KDM6A: variants seen among roughly 807,000 people sequenced by gnomAD.
The protein encoded by KDM6A is lysine-specific demethylase 6A.
Under a neutral mutation model 117.6 loss-of-function variants are expected in KDM6A, and 11 were observed. The observed-to-expected ratio is 0.09, with a 90% CI of 0.06 to 0.15. The LOEUF (loss-of-function observed/expected upper bound fraction) is 0.15, where lower values mean the gene tolerates loss of function less well. Among genes scored for constraint, KDM6A ranks in the 10% least tolerant of loss-of-function variants. The probability of loss-of-function intolerance (pLI) is 1.00; values close to 1 mark genes in which losing one functional copy is unlikely to be tolerated. For missense variants in KDM6A, 799 were observed against 1,077.3 expected, an observed-to-expected ratio of 0.74 and a Z score of 3.62; for synonymous variants, 384 against 396.1, an observed-to-expected ratio of 0.97 and a Z score of 0.36.
At chrX:44,984,232 TC>T (rs1477749843) in intron 4 of KDM6A, among the ~76,000 whole-genome samples, 1 of 111,209 alleles carries the variant, frequency 9.0e-6, no homozygotes, top group Non-Finnish European at 1.9e-5. Context: ...TCTGTTCATA[TC>T]CTTCACCCAC....
chrX:45,030,431 C>G (rs1394706443), intron 6 of KDM6A, among the ~76,000 whole-genome samples: 1 of 107,363 alleles, frequency 9.3e-6, no homozygotes, highest in Admixed American at 1.0e-4. Flanking sequence ...AGTAGATTCC[C>G]TCCTGGAAAC....
At chrX:45,013,615 A>G (rs1218578484) in intron 5 of KDM6A, among the ~76,000 whole-genome samples, 2 of 112,027 alleles carry the variant, frequency 1.8e-5, no homozygotes, top group Non-Finnish European at 3.8e-5. Context: ...TGCAATGTCT[A>G]CATTAATAAG....
chrX:44,977,742 A>G (rs1450378553), intron 4 of KDM6A, among the ~76,000 whole-genome samples: 2 of 112,037 alleles, frequency 1.8e-5, no homozygotes, highest in African/African-American at 6.5e-5. Context: ...CAGACTTGCC[A>G]GTTTGATAGG....
At chrX:44,928,159 T>C (rs1038484875) in intron 2 of KDM6A, among the ~76,000 whole-genome samples, 4 of 112,403 alleles carry the variant, frequency 3.6e-5, no homozygotes, top group African/African-American at 1.3e-4. Context: ...GAAATTTTAA[T>C]ATAGGCTACA....
intron 4 of KDM6A, among the ~76,000 whole-genome samples, chrX:44,975,129 C>T (rs777297710): frequency 4.1e-4 from 46 of 111,696 alleles, no homozygotes; most frequent in Middle Eastern, 4.7e-3. Flanking sequence ...TTGGTGTACT[C>T]TGTTTATAAT....
chrX:45,033,303 GAC>G lies in KDM6A; in HGVS notation c.565-1624_565-1623del, dbSNP rs1455218296. 4.5e-5 allele frequency among the ~76,000 whole-genome samples: 5 copies of G among 112,136 alleles called. 1 individual carries two copies. The Admixed American group carries it at 4.7e-4, about 11-fold the overall frequency. On this transcript the variant is annotated intron_variant, in intron 6 of 29. Coordinates refer to ENST00000611820, the MANE Select transcript of KDM6A (RefSeq NM_001291415.2). ...GTAGCACACTAAAGGGATGTTTGAA[GAC>G]ACAGTCTGCTTAGTAGGCCAAGGGA...
At chrX:45,021,392 T>G (rs2042165605) in intron 6 of KDM6A, among the ~76,000 whole-genome samples, 2 of 111,753 alleles carry the variant, frequency 1.8e-5, no homozygotes, top group South Asian at 7.4e-4. Context: ...AACAGAGGAA[T>G]TATGTTTTGA....
intron 27 of KDM6A, among the ~76,000 whole-genome samples, chrX:45,104,194 T>C (rs1020623161): frequency 1.8e-5 from 2 of 111,530 alleles, no homozygotes; most frequent in Non-Finnish European, 3.8e-5. Context: ...CTGGCTAATT[T>C]TGTATGTTTA....
chrX:44,886,242 G>A (rs1387865264), intron 2 of KDM6A, among the ~76,000 whole-genome samples: 1 of 109,333 alleles, frequency 9.1e-6, no homozygotes, highest in Non-Finnish European at 1.9e-5. Flanking sequence ...AGTAGAGACG[G>A]TTTCACTGTA....
At chrX:45,102,890 T>TA (rs1853869755) in intron 27 of KDM6A, among the ~76,000 whole-genome samples, 3 of 110,837 alleles carry the variant, frequency 2.7e-5, no homozygotes, top group African/African-American at 9.9e-5. Context: ...ACTATTGTCC[T>TA]AGGAGAACAC....
intron 27 of KDM6A, among the ~76,000 whole-genome samples, chrX:45,094,665 G>A (rs1191574874): frequency 2.7e-5 from 3 of 111,472 alleles, no homozygotes; most frequent in Non-Finnish European, 5.6e-5. Context: ...TGAAAGGCTC[G>A]GAGGAACTCT....
At chrX:45,048,197 C>T (rs1229485527) in intron 8 of KDM6A, among the ~76,000 whole-genome samples, 2 of 104,489 alleles carry the variant, frequency 1.9e-5, no homozygotes, top group African/African-American at 3.5e-5. Flanking sequence ...ATTTCAACAT[C>T]TGAGTAATTT....
chrX:45,105,914 G>A (rs926083955), intron 27 of KDM6A, among the ~76,000 whole-genome samples: 1 of 112,149 alleles, frequency 8.9e-6, no homozygotes, highest in African/African-American at 3.2e-5. Context: ...ACACTACTGT[G>A]AACTGCACAT....
chrX:45,093,393 CAA>C (rs1179536892), intron 27 of KDM6A, among the ~76,000 whole-genome samples: 1 of 105,752 alleles, frequency 9.5e-6, no homozygotes, highest in East Asian at 3.0e-4. Context: ...AACAAACAAA[CAA>C]ACAAACAAAA....
At chrX:45,077,601 A>G (rs1357465994) in intron 19 of KDM6A, among the ~76,000 whole-genome samples, 2 of 110,638 alleles carry the variant, frequency 1.8e-5, no homozygotes, top group African/African-American at 6.6e-5. Flanking sequence ...TTTATCCCTT[A>G]CTATGTAAGG....
chrX:45,051,140 G>A (rs1432056179), intron 8 of KDM6A, among the ~76,000 whole-genome samples: 1 of 111,272 alleles, frequency 9.0e-6, no homozygotes, highest in Non-Finnish European at 1.9e-5. Flanking sequence ...CTCCCGAGTA[G>A]CTGGGACTAC....
chrX:44,940,279 C>T (rs1007418061), intron 2 of KDM6A, among the ~76,000 whole-genome samples: 2 of 111,088 alleles, frequency 1.8e-5, no homozygotes, highest in Non-Finnish European at 3.8e-5. Flanking sequence ...GTCTTGAACT[C>T]CTGACCTCAA....
At chrX:44,963,571 T>A (rs1215701925) in intron 3 of KDM6A, among the ~76,000 whole-genome samples, 1 of 109,666 alleles carries the variant, frequency 9.1e-6, no homozygotes, top group Admixed American at 9.9e-5. Flanking sequence ...TGCTCATCTA[T>A]AAGAAGCAGT....
At chrX:44,882,095 A>G (rs770645364) in intron 2 of KDM6A, among the ~76,000 whole-genome samples, 3 of 111,874 alleles carry the variant, frequency 2.7e-5, no homozygotes, top group Non-Finnish European at 5.6e-5. Context: ...CATCTAATTC[A>G]TTTTAGTTTA....
Sources: allele counts gnomAD v4.1 joint callset (sites outside exome capture counted in the v4.1 genomes callset), GRCh38; gene constraint gnomAD v4.1.1; transcripts MANE v1.5; gene names NCBI Gene and HGNC (gene_info 2026-07-23, HGNC 2026-07-21).